Variants in NEK1 observed in about 807,000 individuals in gnomAD.
The protein encoded by NEK1 is serine/threonine-protein kinase Nek1.
NEK1 carries 137 observed loss-of-function variants against 182.1 expected under a neutral mutation model. That is an observed-to-expected ratio of 0.75 (90% CI 0.65 to 0.87). NEK1 has a LOEUF of 0.87. NEK1 is among the 40% of genes least tolerant of loss of function. NEK1 has a pLI of 0.00. For synonymous variants in NEK1, 513 were observed against 492.2 expected (o/e 1.04, Z -0.56); for missense variants, 1,391 against 1,494.4 (o/e 0.93, Z 1.14).
intron 26 of NEK1, among the ~76,000 whole-genome samples, chr4:169,474,029 T>C (rs1746500524): frequency 6.6e-6 from 1 of 151,886 alleles, no homozygotes; most frequent in South Asian, 2.1e-4. Context: ...AGAATTCTGA[T>C]ATAAAGAGGA....
rs1299664865 is a variant in NEK1 at position 169,477,238 on chromosome 4, C to G, written c.2320G>C (p.Glu774Gln). The G allele has an allele frequency of 6.2e-7, 1 of 1,602,764 alleles. No individual in the cohort carries two copies. The highest frequency in any genetic ancestry group is 8.5e-7 in the Non-Finnish European group (1 of 1,173,562). Residue 774 changes from glutamate to glutamine, a missense_variant, in exon 26 of 36, where the codon GAG becomes CAG. By Grantham distance (29) the Glu-to-Gln change is conservative. Transcript: ENST00000507142. ...FEINVHEDAK[E>Q]HEKEKSVSSD... ...GAAACTGATTTTTCTTTTTCATGCT[C>G]TTTGGCATCTTCATGAACATTTATC... is the stretch of plus-strand genomic sequence containing the variant.
chr4:169,507,202 G>GTTT lies in NEK1; in HGVS notation c.1912-71_1912-70insAAA, dbSNP rs1437728267. Reference sequence around the variant, plus strand: ...GCAGAGGTTTTTTTTTTTTTTTTTGGGCCAGGTCTATGAAGATATTTACTT... The same window carrying GTTT: ...GCAGAGGTTTTTTTTTTTTTTTTTGGTTTGCCAGGTCTATGAAGATATTTACTT... On this transcript the variant is annotated intron_variant, in intron 22 of 35. Coordinates refer to ENST00000507142, the MANE Select transcript of NEK1 (RefSeq NM_001199397.3). The GTTT allele has an allele frequency of 7.9e-3, 3,247 of 410,196 alleles. 133 individuals are homozygous for GTTT. Among genetic ancestry groups the GTTT allele is most frequent in the African/African-American group, 0.074 (2,874 of 38,618 alleles). 25.4% of individuals were successfully genotyped at this position (410,196 alleles called of 1,614,324 possible).
At chr4:169,449,836 T>C (rs952458073) in intron 27 of NEK1, among the ~76,000 whole-genome samples, 1 of 152,210 alleles carries the variant, frequency 6.6e-6, no homozygotes, top group African/African-American at 2.4e-5. Context: ...CTTTGACAAG[T>C]TGACAGAAGT....
intron 12 of NEK1, among the ~76,000 whole-genome samples, chr4:169,562,619 C>A (rs957810035): frequency 1.9e-4 from 29 of 152,098 alleles, no homozygotes; most frequent in African/African-American, 6.3e-4. Context: ...GTAACGGTAA[C>A]CACTGTTAAT....
At chr4:169,506,751 A>G (rs1753322212) in intron 23 of NEK1, 1 of 159,124 alleles carries the variant, frequency 6.3e-6, no homozygotes. Flanking sequence ...AGCCTGGGTG[A>G]CAGAGCAATA....
At chr4:169,485,319 A>C (rs1748841089) in intron 23 of NEK1, among the ~76,000 whole-genome samples, 1 of 152,260 alleles carries the variant, frequency 6.6e-6, no homozygotes, top group Non-Finnish European at 1.5e-5. Context: ...CAACTAAGTT[A>C]CTGAAAATTT....
At chr4:169,411,695 A>G (rs1235463263) in intron 31 of NEK1, among the ~76,000 whole-genome samples, 1 of 152,200 alleles carries the variant, frequency 6.6e-6, no homozygotes, top group African/African-American at 2.4e-5. Flanking sequence ...CTCTATCTCA[A>G]CCTACTTCAG....
chr4:169,554,344 A>G (rs1309000235), intron 18 of NEK1: 2 of 151,434 alleles, frequency 1.3e-5, no homozygotes, highest in South Asian at 2.1e-4. Flanking sequence ...CTTAAGCCCC[A>G]GAGGTCAAGG....
At chr4:169,418,526 G>T (rs1318197528) in intron 31 of NEK1, among the ~76,000 whole-genome samples, 1 of 151,966 alleles carries the variant, frequency 6.6e-6, no homozygotes, top group African/African-American at 2.4e-5. Flanking sequence ...GAGTATTAAA[G>T]GATAAACACG....
intron 31 of NEK1, among the ~76,000 whole-genome samples, chr4:169,422,313 T>C (rs1269615364): frequency 6.6e-6 from 1 of 152,194 alleles, no homozygotes; most frequent in African/African-American, 2.4e-5. Flanking sequence ...TAAAGAAGGA[T>C]ACTGTGCTCA....
chr4:169,426,381 T>C, intron 29 of NEK1, 147 bp from the exon 30 acceptor site: 1 of 652,918 alleles, frequency 1.5e-6, no homozygotes, highest in Non-Finnish European at 2.7e-6. Context: ...ATATATACTT[T>C]CTCACATAAG....
chr4:169,463,208 C>T (rs755708911), intron 27 of NEK1, 35 bp downstream of exon 27: 1 of 1,208,616 alleles, frequency 8.3e-7, no homozygotes, highest in South Asian at 2.5e-5. Flanking sequence ...AATAATATTA[C>T]TTCTAGTATA....
chr4:169,553,422 G>A (rs1761711379), intron 18 of NEK1, among the ~76,000 whole-genome samples: 1 of 152,042 alleles, frequency 6.6e-6, no homozygotes, highest in Non-Finnish European at 1.5e-5. Flanking sequence ...GATAACATAG[G>A]AGAAAACCCA....
At position 169,599,204 on chromosome 4, in the gene NEK1, A is replaced by C. The variant is rs1770067557; in HGVS notation, c.215-7T>G. ...ATGTAGAGAGAGCCATTTTCTACAA[A>C]ATATAAACATTACAGTCCACTTTTA... On this transcript the variant is annotated splice_polypyrimidine_tract_variant and splice_region_variant and intron_variant, in intron 4 of 35. Transcript: ENST00000507142. 6.3e-7 allele frequency: 1 copy of C among 1,585,300 alleles called. No individual in the cohort carries two copies. The highest frequency in any genetic ancestry group is 8.6e-7 in the Non-Finnish European group (1 of 1,156,076).
At chr4:169,476,094 C>G (rs2149544784) in intron 26 of NEK1, among the ~76,000 whole-genome samples, 1 of 152,126 alleles carries the variant, frequency 6.6e-6, no homozygotes. Context: ...TCAATGAATC[C>G]CAAGGACAGG....
At position 169,394,033 on chromosome 4, in the gene NEK1, C is replaced by A; in HGVS notation, c.*477G>T. The A allele has an allele frequency of 6.5e-6, 1 of 153,524 alleles. No homozygotes were observed. The highest frequency in any genetic ancestry group is 1.5e-5 in the Non-Finnish European group (1 of 68,964). 9.5% of individuals were successfully genotyped at this position (153,524 alleles called of 1,614,324 possible). On this transcript the variant is annotated 3_prime_UTR_variant, in exon 36 of 36. Coordinates refer to ENST00000507142, the MANE Select transcript of NEK1 (RefSeq NM_001199397.3). The stretch of plus-strand genomic sequence containing the variant: ...AAAATGTATAGATGTAAACAGAGCC[C>A]TTGACAAGGTGATTTAATGTAGAAC...
chr4:169,486,946 A>G (rs1749140852), intron 23 of NEK1, among the ~76,000 whole-genome samples: 1 of 152,230 alleles, frequency 6.6e-6, no homozygotes, highest in Non-Finnish European at 1.5e-5. Context: ...TCTTCCTTAC[A>G]TACTTCATTC....
chr4:169,582,682 G>T (rs1009787729), intron 10 of NEK1, among the ~76,000 whole-genome samples: 2 of 152,182 alleles, frequency 1.3e-5, no homozygotes, highest in Admixed American at 6.5e-5. Context: ...TGAGAGATGG[G>T]GCATATAGAA....
At chr4:169,485,052 C>A (rs554808806) in intron 23 of NEK1, among the ~76,000 whole-genome samples, 1 of 152,224 alleles carries the variant, frequency 6.6e-6, no homozygotes, top group East Asian at 1.9e-4. Flanking sequence ...AGACTAAAAA[C>A]AAAAACCTCC....
Sources: gnomAD v4.1 joint callset for allele counts (sites outside exome capture counted in the v4.1 genomes callset) on GRCh38, gnomAD v4.1.1 for gene constraint, MANE v1.5 for transcripts, NCBI Gene and HGNC (gene_info 2026-07-23, HGNC 2026-07-21) for gene names.